The following MECOM variants were observed in gnomAD, a reference collection of about 807,000 sequenced individuals.
MECOM encodes the protein histone-lysine N-methyltransferase MECOM.
In MECOM, 13 loss-of-function variants were observed where a neutral mutation model predicts 116.3. That is an observed-to-expected ratio of 0.11 (90% CI 0.07 to 0.18). The LOEUF (loss-of-function observed/expected upper bound fraction) is 0.18, where lower values mean the gene tolerates loss of function less well. Among genes scored for constraint, MECOM ranks in the 10% least tolerant of loss-of-function variants. MECOM has a pLI of 1.00. For synonymous variants in MECOM, 528 were observed against 535.2 expected (o/e 0.99, Z 0.19); for missense variants, 1,299 against 1,509.0 (o/e 0.86, Z 2.31).
rs373389725 is a variant in MECOM, at chr3:169,448,598, G to A, written c.38-67074C>T. Among the ~76,000 whole-genome samples the A allele has an allele frequency of 3.1e-3, 465 of 152,230 alleles. 3 individuals carry two copies. The highest frequency in any genetic ancestry group is 0.011 in the African/African-American group (447 of 41,546). ...ATCTTTAATCAAATATTTTAGAATA[G>A]CATCCACAGGAGTGTGCATGTGAGA... On this transcript the variant is annotated intron_variant, in intron 1 of 16. Coordinates refer to ENST00000651503, the MANE Select transcript of MECOM (RefSeq NM_004991.4).
intron 2 of MECOM, among the ~76,000 whole-genome samples, chr3:169,344,432 G>A (rs1230234860): frequency 6.6e-6 from 1 of 152,076 alleles, no homozygotes; most frequent in Non-Finnish European, 1.5e-5. Context: ...GCTCAAGCGG[G>A]ACAAATAAGA....
intron 2 of MECOM, among the ~76,000 whole-genome samples, chr3:169,263,238 C>T (rs1757830626): frequency 1.3e-5 from 2 of 148,836 alleles, no homozygotes; most frequent in South Asian, 2.2e-4. Context: ...ACGCCATTCT[C>T]GTGCCTCAGC....
At position 169,376,333 on chromosome 3, in the gene MECOM, A is replaced by G. The variant is rs1249411157; in HGVS notation, c.375+4854T>C. On this transcript the variant is annotated intron_variant, in intron 2 of 16. Transcript: ENST00000651503. ...AGTATTAGAAGTTCTAGCCAGGGCA[A>G]TCAGGCAAGAGAAAGAAATAAAGAG... 7.9e-5 allele frequency among the ~76,000 whole-genome samples: 12 copies of G among 152,216 alleles called. 1 individual carries two copies. The highest frequency in any genetic ancestry group is 6.5e-4 in the Admixed American group (10 of 15,268).
At position 169,646,423 on chromosome 3, in the gene MECOM, T is replaced by G. The variant is rs535570395; in HGVS notation, c.37+16913A>C. ...CCGATGTATACATATGTAACAAAAC[T>G]GCACGTTGTGCACAGGTACCCTAGA... is the stretch of plus-strand genomic sequence containing the variant. On this transcript the variant is annotated intron_variant, in intron 1 of 16. Transcript: ENST00000651503. 2.6e-3 allele frequency among the ~76,000 whole-genome samples: 398 copies of G among 152,062 alleles called. 2 individuals are homozygous for G. Among genetic ancestry groups the G allele is most frequent in the African/African-American group, 9.3e-3 (384 of 41,460 alleles).
chr3:169,487,004 T>A (rs1328755558), intron 1 of MECOM, among the ~76,000 whole-genome samples: 1 of 152,182 alleles, frequency 6.6e-6, no homozygotes, highest in Non-Finnish European at 1.5e-5. Context: ...AGATTTTTTT[T>A]AATTTGTCAT....
intron 1 of MECOM, among the ~76,000 whole-genome samples, chr3:169,553,378 T>C (rs1761635000): frequency 6.6e-6 from 1 of 152,208 alleles, no homozygotes; most frequent in African/African-American, 2.4e-5. Flanking sequence ...ATGATAGTAA[T>C]TGGTTGCTTT....
rs1262246238 is a variant in MECOM, at chr3:169,084,947, C to G, written c.3682G>C (p.Ala1228Pro). The G allele has an allele frequency of 6.2e-7, 1 of 1,613,970 alleles. No individual in the cohort carries two copies. Among genetic ancestry groups the G allele is most frequent in the African/African-American group, 1.3e-5 (1 of 74,900 alleles). ...NVWHSMARAA[A>P]ESSAIQSISH... ...ATGGACTGGATAGCACTGGATTCCGCCGCAGCCCTGGCCATACTGTGCCAC... is the reference window on the plus strand; with the variant it reads ...ATGGACTGGATAGCACTGGATTCCGGCGCAGCCCTGGCCATACTGTGCCAC... The change falls in exon 17 of 17, where the codon GCG (alanine) becomes CCG (proline). Residue 1228 changes from alanine (A) to proline (P), a missense_variant. By Grantham distance (27) the Ala-to-Pro change is conservative. Around this residue, in one of 6 missense-constraint regions of MECOM, gnomAD observed 273 missense variants for 289.3 expected, o/e 0.94. Coordinates refer to ENST00000651503, the MANE Select transcript of MECOM (RefSeq NM_004991.4).
intron 2 of MECOM, among the ~76,000 whole-genome samples, chr3:169,272,209 C>T (rs934241742): frequency 3.3e-5 from 5 of 152,170 alleles, no homozygotes; most frequent in African/African-American, 9.7e-5. Flanking sequence ...AGGAGTCTCT[C>T]CTGAGACTCA....
At chr3:169,662,504 C>T (rs1776423019) in intron 1 of MECOM, among the ~76,000 whole-genome samples, 1 of 152,114 alleles carries the variant, frequency 6.6e-6, no homozygotes, top group Non-Finnish European at 1.5e-5. Flanking sequence ...CGTCCGAGCG[C>T]TCGCTGGGCC....
intron 2 of MECOM, among the ~76,000 whole-genome samples, chr3:169,256,796 C>A (rs949487653): frequency 6.6e-6 from 1 of 152,206 alleles, no homozygotes; most frequent in Non-Finnish European, 1.5e-5. Flanking sequence ...CTGCTCCTAC[C>A]TTCTCATATG....
In MECOM at chr3:169,149,969, GTGTGTGTGTC is replaced by G. The variant is rs1456726098; in HGVS notation, c.376-6147_376-6138del. ...TGTGTGTGTGTGTGTGTGTGTGTGTGTGTGTGTGTCTGTCTGTCTGTCTGTCTGTCTGTCT... is the reference window on the plus strand; with the variant it reads ...TGTGTGTGTGTGTGTGTGTGTGTGTGTGTCTGTCTGTCTGTCTGTCTGTCT... On this transcript the variant is annotated intron_variant, in intron 2 of 16. Transcript: ENST00000651503. 3.2e-3 allele frequency among the ~76,000 whole-genome samples: 463 copies of G among 146,654 alleles called. 1 individual carries two copies. The highest frequency in any genetic ancestry group is 8.6e-3 in the South Asian group (39 of 4,526).
chr3:169,575,788 C>T (rs1764420155), intron 1 of MECOM, among the ~76,000 whole-genome samples: 1 of 152,044 alleles, frequency 6.6e-6, no homozygotes, highest in South Asian at 2.1e-4. Flanking sequence ...CCTGAAAAGA[C>T]AGTATCTGGA....
chr3:169,407,860 G>A (rs1052123649), intron 1 of MECOM, among the ~76,000 whole-genome samples: 1 of 152,166 alleles, frequency 6.6e-6, no homozygotes, highest in Non-Finnish European at 1.5e-5. Flanking sequence ...TCTTCTCCAA[G>A]GAATTCCACT....
rs1313023003 is a variant in MECOM at position 169,213,069 on chromosome 3, T to C, written c.376-69237A>G. 1.4e-4 allele frequency among the ~76,000 whole-genome samples: 20 copies of C among 142,342 alleles called. No individual in the cohort carries two copies. The East Asian group carries it at 3.9e-3, about 28-fold the overall frequency. The allele number at this position is 142,342 out of a possible 152,430, so 93.4% of individuals were successfully genotyped here. A position where few individuals can be genotyped will look rare whatever the true frequency, so the allele number is the denominator to read the frequency against. On this transcript the variant is annotated intron_variant, in intron 2 of 16. Coordinates refer to ENST00000651503, the MANE Select transcript of MECOM (RefSeq NM_004991.4). ...ACCCCCACTTTGTTACTTCCTCTCT[T>C]TCTTTTTTATTTTTTTTAATACTTT...
chr3:169,092,228 A>G (rs1481871371), intron 14 of MECOM, among the ~76,000 whole-genome samples: 1 of 152,076 alleles, frequency 6.6e-6, no homozygotes, highest in Non-Finnish European at 1.5e-5. Flanking sequence ...GCATCAGGGC[A>G]GTAAAAACAA....
intron 1 of MECOM, among the ~76,000 whole-genome samples, chr3:169,631,617 C>G (rs531403611): frequency 1.4e-3 from 164 of 119,156 alleles, no homozygotes; most frequent in Non-Finnish European, 2.2e-3. Context: ...CCCCCTCCCC[C>G]CACCCCACAA....
chr3:169,183,963 C>G (rs1410102704), intron 2 of MECOM, among the ~76,000 whole-genome samples: 1 of 151,828 alleles, frequency 6.6e-6, no homozygotes, highest in Non-Finnish European at 1.5e-5. Context: ...CTCCCGGGTT[C>G]ACGCCATTCT....
chr3:169,330,730 AT>A (rs970370007), intron 2 of MECOM, among the ~76,000 whole-genome samples: 1 of 152,086 alleles, frequency 6.6e-6, no homozygotes, highest in Non-Finnish European at 1.5e-5. Context: ...CCAAAAAAAA[AT>A]AAATGTAATC....
chr3:169,436,245 C>CTT lies in MECOM; in HGVS notation c.38-54723_38-54722dup, dbSNP rs11349670. On this transcript the variant is annotated intron_variant, in intron 1 of 16. Coordinates refer to ENST00000651503, the MANE Select transcript of MECOM (RefSeq NM_004991.4). ...AAAAAGGGAAATTCTGGCTAAATCG[C>CTT]TTTTTTTTTTTTTTTTTTTTTTGAG... 4.2e-3 allele frequency among the ~76,000 whole-genome samples: 391 copies of CTT among 93,644 alleles called. 3 individuals are homozygous for CTT. Among genetic ancestry groups the CTT allele is most frequent in the East Asian group, 0.01 (25 of 2,432 alleles). The allele number at this position is 93,644 out of a possible 152,430, so 61.4% of individuals were successfully genotyped here.
Sources: gnomAD v4.1 joint callset for allele counts (sites outside exome capture counted in the v4.1 genomes callset) on GRCh38, gnomAD v4.1.1 for gene constraint, gnomAD v4.1.1 regional missense constraint, MANE v1.5 for transcripts, NCBI Gene and HGNC (gene_info 2026-07-23, HGNC 2026-07-21) for gene names.